KAZN: variants seen among roughly 807,000 people sequenced by gnomAD.
The protein encoded by KAZN is kazrin, periplakin interacting protein, also known as kazrin.
Under a neutral mutation model 87.4 loss-of-function variants are expected in KAZN, and 40 were observed. The observed-to-expected ratio is 0.46, with a 90% confidence interval of 0.36 to 0.60. KAZN has a LOEUF of 0.60. KAZN is among the 20% of genes least tolerant of loss of function. KAZN has a pLI of 0.00. For missense variants in KAZN, 898 were observed against 1,073.9 expected (o/e 0.84, Z 2.29); for synonymous variants, 466 against 458.3 (o/e 1.02, Z -0.22).
At chr1:14,803,507 G>A (rs1487991157) in intron 1 of KAZN, among the ~76,000 whole-genome samples, 1 of 152,226 alleles carries the variant, frequency 6.6e-6, no homozygotes, top group African/African-American at 2.4e-5. Context: ...CTGGGCGGGA[G>A]AGGGCCCCAT....
chr1:14,562,840 G>A (rs868291166), intron 2 of KAZN, among the ~76,000 whole-genome samples: 1 of 152,220 alleles, frequency 6.6e-6, no homozygotes, highest in African/African-American at 2.4e-5. Flanking sequence ...GCCTTCCAGA[G>A]ATTCCCGTGG....
At chr1:14,908,714 G>A (rs1013072975) in intron 1 of KAZN, among the ~76,000 whole-genome samples, 2 of 150,864 alleles carry the variant, frequency 1.3e-5, no homozygotes, top group Admixed American at 6.6e-5. Context: ...CCAGACCCTG[G>A]CTCAAAAAGA....
intron 2 of KAZN, among the ~76,000 whole-genome samples, chr1:14,471,796 T>G (rs1244988428): frequency 1.3e-5 from 2 of 152,176 alleles, no homozygotes; most frequent in African/African-American, 4.8e-5. Context: ...TGCCCACAAG[T>G]GTTCAGAAAG....
chr1:14,928,978 A>G (rs927467369), intron 1 of KAZN, among the ~76,000 whole-genome samples: 1 of 152,226 alleles, frequency 6.6e-6, no homozygotes, highest in South Asian at 2.1e-4. Context: ...TTTGGAATCA[A>G]ACACACACTG....
chr1:14,916,150 G>T (rs1657786328), intron 1 of KAZN, among the ~76,000 whole-genome samples: 2 of 143,692 alleles, frequency 1.4e-5, no homozygotes, highest in South Asian at 2.3e-4. Context: ...ATTATTATTT[G>T]TAGTATTTTC....
rs1680117705 is a variant in KAZN, at chr1:14,637,935, G to T, written c.226+38712G>T. On this transcript the variant is annotated intron_variant, in intron 1 of 14. Transcript: ENST00000376030. ...TGCCAGCAGGGTTGGCTCATTCTGG[G>T]AGGTCTGGGGGAGAGACTATCCCAC... 2.6e-5 allele frequency among the ~76,000 whole-genome samples: 4 copies of T among 152,222 alleles called. No individual in the cohort carries two copies. The South Asian group carries it at 8.3e-4, about 32-fold the overall frequency.
At position 14,145,586 on chromosome 1, in the gene KAZN, C is replaced by CT. The variant is rs535021922; in HGVS notation, c.92-34837dup. 4.9e-3 allele frequency among the ~76,000 whole-genome samples: 719 copies of CT among 145,712 alleles called. 4 individuals carry two copies. Among genetic ancestry groups the CT allele is most frequent in the East Asian group, 0.025 (128 of 5,044 alleles). ...AGCTTAGCTTTATAAGACAGTATAC[C>CT]TTTTTTTTTTTTGAGACAGAGTTTT... On this transcript the variant is annotated intron_variant, in intron 1 of 16. Transcript: ENST00000636203.
At chr1:14,883,530 A>C (rs1187887939) in intron 1 of KAZN, among the ~76,000 whole-genome samples, 1 of 147,204 alleles carries the variant, frequency 6.8e-6, no homozygotes, top group Non-Finnish European at 1.5e-5. Flanking sequence ...CCTGGGTCAC[A>C]GCCAAAGGGA....
At chr1:14,368,425 C>T (rs144917392) in intron 2 of KAZN, among the ~76,000 whole-genome samples, 2 of 152,314 alleles carry the variant, frequency 1.3e-5, no homozygotes, top group African/African-American at 4.8e-5. Context: ...ATGATCCATC[C>T]ATTAGGCACT....
chr1:14,874,009 G>T (rs1239927927), intron 1 of KAZN, among the ~76,000 whole-genome samples: 4 of 152,174 alleles, frequency 2.6e-5, no homozygotes, highest in Admixed American at 6.5e-5. Context: ...GTTTAGAGGG[G>T]GTGGGCCAGG....
intron 1 of KAZN, among the ~76,000 whole-genome samples, chr1:14,068,773 C>A (rs1643118066): frequency 1.3e-5 from 2 of 151,360 alleles, no homozygotes. Flanking sequence ...GACCAGAAAT[C>A]AGGAAGCAAG....
At chr1:14,185,932 C>T (rs1015264747) in intron 2 of KAZN, among the ~76,000 whole-genome samples, 30 of 152,102 alleles carry the variant, frequency 2.0e-4, no homozygotes, top group African/African-American at 5.6e-4. Context: ...GTGTTTGGTG[C>T]GCCAAGACAC....
intron 2 of KAZN, among the ~76,000 whole-genome samples, chr1:14,408,143 C>T (rs1405471249): frequency 1.3e-5 from 2 of 152,120 alleles, no homozygotes; most frequent in African/African-American, 4.8e-5. Flanking sequence ...TTGATTTGGT[C>T]ATAATTAAAA....
intron 1 of KAZN, among the ~76,000 whole-genome samples, chr1:14,940,898 C>G (rs1012398197): frequency 5.5e-5 from 3 of 54,400 alleles, no homozygotes; most frequent in Admixed American, 2.3e-4. Context: ...TTCTACCTTT[C>G]TTTTTTTTTT....
At chr1:14,389,591 G>T (rs1454791027) in intron 2 of KAZN, among the ~76,000 whole-genome samples, 2 of 152,138 alleles carry the variant, frequency 1.3e-5, no homozygotes, top group Admixed American at 1.3e-4. Flanking sequence ...AGTGAAATAA[G>T]CCAGGCACAG....
intron 1 of KAZN, among the ~76,000 whole-genome samples, chr1:14,919,906 G>A (rs1183911395): frequency 6.6e-6 from 1 of 152,154 alleles, no homozygotes; most frequent in Non-Finnish European, 1.5e-5. Context: ...GCCTAGGTGT[G>A]TAGTAGCTAT....
In KAZN at chr1:14,698,482, G is replaced by A. The variant is rs547269975; in HGVS notation, c.226+99259G>A. Among the ~76,000 whole-genome samples, 35 of 152,320 alleles carry A rather than the reference G, an allele frequency of 2.3e-4. No individual in the cohort carries two copies. In the South Asian group the frequency reaches 6.0e-3, roughly 26 times the overall value. On this transcript the variant is annotated intron_variant, in intron 1 of 14. Coordinates refer to ENST00000376030, the MANE Select transcript of KAZN (RefSeq NM_201628.3). ...TGGCTTGCTGCTTCGAGGCTGTCCC[G>A]TGCATATGGAAATAATTCCACTGCC...
intron 1 of KAZN, among the ~76,000 whole-genome samples, chr1:14,867,605 C>T (rs1340550323): frequency 2.6e-5 from 4 of 152,098 alleles, no homozygotes; most frequent in Non-Finnish European, 5.9e-5. Flanking sequence ...CGTAGTTGTC[C>T]GTAGACTGAT....
intron 2 of KAZN, among the ~76,000 whole-genome samples, chr1:14,554,861 C>T (rs912175620): frequency 1.3e-5 from 2 of 152,206 alleles, no homozygotes; most frequent in South Asian, 2.1e-4. Context: ...CACACACCGA[C>T]GTCGAGTCAC....
Sources: allele counts gnomAD v4.1 joint callset (sites outside exome capture counted in the v4.1 genomes callset), GRCh38; gene constraint gnomAD v4.1.1; transcripts MANE v1.5; gene names NCBI Gene and HGNC (gene_info 2026-07-23, HGNC 2026-07-21).